BPIFB3: variants seen among roughly 807,000 people sequenced by gnomAD.
BPIFB3 encodes BPI fold containing family B member 3, also known as BPI fold-containing family B member 3.
In BPIFB3, 49 loss-of-function variants were observed where a neutral mutation model predicts 53.1. The ratio of observed to expected loss-of-function variants is 0.92; its 90% CI spans 0.73 to 1.17. BPIFB3 has a LOEUF of 1.17. BPIFB3 is among the 50% of genes most tolerant of loss of function. BPIFB3 has a pLI of 0.00. For missense variants in BPIFB3, 628 were observed against 592.5 expected (o/e 1.06, Z -0.62); for synonymous variants, 271 against 269.6 (o/e 1.01, Z -0.05).
At chr20:33,069,802 T>C (rs1200665642) in intron 10 of BPIFB3, 86 bp from the exon 12 acceptor site, 7 of 1,346,592 alleles carry the variant, frequency 5.2e-6, no homozygotes, top group Admixed American at 1.7e-5. Context: ...TAAGGGTTAG[T>C]GGACGGAACA....
At chr20:33,070,749 C>T (rs545486482) in intron 11 of BPIFB3, among the ~76,000 whole-genome samples, 7 of 152,338 alleles carry the variant, frequency 4.6e-5, no homozygotes, top group African/African-American at 1.7e-4. Flanking sequence ...GCCCCATTGC[C>T]GACTTTGATG....
At chr20:33,066,730 G>C in intron 8 of BPIFB3, 94 bp from the exon 10 acceptor site, 1 of 1,190,288 alleles carries the variant, frequency 8.4e-7, no homozygotes, top group Non-Finnish European at 1.3e-6. Context: ...GGCAGGGTAG[G>C]GGGAAGAGTG....
rs538183181 is a variant in BPIFB3 at position 33,072,506 on chromosome 20, G to A, written c.1325-211G>A. Among the ~76,000 whole-genome samples, 157 of 152,244 alleles carry A rather than the reference G, an allele frequency of 1.0e-3. 2 individuals are homozygous for A. In the South Asian group the frequency reaches 0.021, roughly 20 times the overall value. ...ATGAAGCCTTTAGGAGGCTTGACACGGGGGCACCACTGACACAATACAGAA... is the reference window on the plus strand; with the variant it reads ...ATGAAGCCTTTAGGAGGCTTGACACAGGGGCACCACTGACACAATACAGAA... On this transcript the variant is annotated intron_variant, in intron 13 of 14. Coordinates refer to ENST00000375494, the Ensembl canonical transcript of BPIFB3.
chr20:33,061,876 G>GTCCCCCCACTCCCACC, intron 5 of BPIFB3, 45 bp downstream of exon 6: 1 of 1,605,376 alleles, frequency 6.2e-7, no homozygotes, highest in South Asian at 1.1e-5. Flanking sequence ...CCCAGGACTG[G>GTCCCCCCACTCCCACC]GCCTCTTTCC....
Position 33,059,887 on chromosome 20 carries a change from G to A in BPIFB3, c.387-4G>A. ...GGCCACACCCCCAGTGTCCTTTCTT[G>A]CAGCCCCCTTGGTGGCCTTCTGCAG... On this transcript the variant is annotated splice_polypyrimidine_tract_variant and splice_region_variant and intron_variant, in intron 3 of 14. Transcript: ENST00000375494. 6.2e-7 allele frequency: 1 copy of A among 1,613,486 alleles called. No homozygotes were observed. The highest frequency in any genetic ancestry group is 8.5e-7 in the Non-Finnish European group (1 of 1,179,770).
At chr20:33,069,580 A>G (rs1388662811) in intron 10 of BPIFB3, among the ~76,000 whole-genome samples, 2 of 152,030 alleles carry the variant, frequency 1.3e-5, no homozygotes, top group Non-Finnish European at 2.9e-5. Flanking sequence ...TCAAGATTCA[A>G]CTGTTACCTC....
chr20:33,057,389 A>G (rs550176228), intron 2 of BPIFB3, among the ~76,000 whole-genome samples: 31 of 152,034 alleles, frequency 2.0e-4, no homozygotes, highest in Non-Finnish European at 3.8e-4. Flanking sequence ...AAGTTACATC[A>G]TGTTGGTCAG....
At chr20:33,058,924 C>A (rs1246891632) in intron 2 of BPIFB3, among the ~76,000 whole-genome samples, 2 of 151,958 alleles carry the variant, frequency 1.3e-5, no homozygotes, top group Non-Finnish European at 2.9e-5. Flanking sequence ...GGGCAAAGAC[C>A]CAGAGGACAG....
intron 9 of BPIFB3, 34 bp from the exon 11 acceptor site, chr20:33,068,769 G>A (rs1283428134): frequency 6.3e-7 from 1 of 1,599,538 alleles, no homozygotes; most frequent in South Asian, 1.1e-5. Context: ...TTGTAGTCCT[G>A]GGGCATCTAA....
At chr20:33,071,210 T>C in intron 11 of BPIFB3, 43 bp from the exon 13 acceptor site, 8 of 1,011,284 alleles carry the variant, frequency 7.9e-6, no homozygotes, top group South Asian at 1.7e-5. Flanking sequence ...ACAGGGGTGG[T>C]TGGGGGTAGC....
At chr20:33,063,797 C>CA in intron 6 of BPIFB3, 122 bp downstream of exon 7, 1 of 997,386 alleles carries the variant, frequency 1.0e-6, no homozygotes, top group Non-Finnish European at 1.5e-6. Flanking sequence ...AGTTCCTCCT[C>CA]ACACTGACAG....
chr20:33,059,578 TC>T (rs1263109805), intron 3 of BPIFB3, 96 bp downstream of exon 4: 20 of 788,362 alleles, frequency 2.5e-5, no homozygotes, highest in Admixed American at 1.2e-4. Flanking sequence ...CTCCCACCCC[TC>T]TGTATCCCCC....
At chr20:33,071,255 T>C in exon 12 of BPIFB3, 1 of 1,564,414 alleles carries the variant, frequency 6.4e-7, no homozygotes, top group Non-Finnish European at 8.7e-7. Context: ...TCCACCAGGC[T>C]CAGTGTCAAG....
chr20:33,066,804 C>G lies in BPIFB3; in HGVS notation c.925-20C>G. 6.2e-7 allele frequency: 1 copy of G among 1,613,492 alleles called. No homozygotes were observed. On this transcript the variant is annotated intron_variant, in intron 8 of 14. Coordinates refer to ENST00000375494, the Ensembl canonical transcript of BPIFB3. ...TTCTGTCTCTGTGCTCACCAACCCT[C>G]TCTCCCATTGGGGGTCCAGGTTCCC... is the stretch of plus-strand genomic sequence containing the variant.
chr20:33,072,916 A>C, intron 14 of BPIFB3, 123 bp downstream of exon 15: 2 of 858,028 alleles, frequency 2.3e-6, no homozygotes, highest in South Asian at 3.3e-5. Context: ...CCATTTTCTA[A>C]ATTTCTCAGT....
intron 6 of BPIFB3, 55 bp downstream of exon 7, chr20:33,063,730 C>A: frequency 6.4e-7 from 1 of 1,570,914 alleles, no homozygotes; most frequent in East Asian, 2.3e-5. Context: ...CTCTGTATGA[C>A]CCCAATGGGG....
chr20:33,068,003 G>A (rs1396281516), intron 9 of BPIFB3, among the ~76,000 whole-genome samples: 2 of 152,166 alleles, frequency 1.3e-5, no homozygotes, highest in African/African-American at 4.8e-5. Context: ...GTCTCATGAC[G>A]TTGCAATTAT....
intron 11 of BPIFB3, 99 bp from the exon 13 acceptor site, chr20:33,071,154 C>T (rs1235870008): frequency 5.4e-6 from 6 of 1,110,970 alleles, no homozygotes; most frequent in Non-Finnish European, 7.3e-6. Flanking sequence ...GCTGGTAATC[C>T]TGTTTCCTGA....
chr20:33,068,789 C>T lies in BPIFB3; in HGVS notation c.979-14C>T, dbSNP rs765645983. On this transcript the variant is annotated splice_polypyrimidine_tract_variant and intron_variant, in intron 9 of 14. Coordinates refer to ENST00000375494, the Ensembl canonical transcript of BPIFB3. The stretch of plus-strand genomic sequence containing the variant: ...GTCCTGGGGCATCTAAGTTATGCCC[C>T]TGCATTTCTCCAGGCCCTGGGGAAG... 1.9e-6 allele frequency: 3 copies of T among 1,611,472 alleles called. No individual in the cohort carries two copies. The highest frequency in any genetic ancestry group is 1.7e-6 in the Non-Finnish European group (2 of 1,178,532).
Sources: allele counts gnomAD v4.1 joint callset (sites outside exome capture counted in the v4.1 genomes callset), GRCh38; gene constraint gnomAD v4.1.1; transcripts MANE v1.5; gene names NCBI Gene and HGNC (gene_info 2026-07-23, HGNC 2026-07-21).